GPM6A: variants seen among roughly 807,000 people sequenced by gnomAD.
GPM6A encodes neuronal membrane glycoprotein M6-a.
GPM6A carries 7 observed loss-of-function variants against 32.1 expected under a neutral mutation model. The observed-to-expected ratio is 0.22, with a 90% confidence interval of 0.12 to 0.41. GPM6A has a LOEUF of 0.41. Among genes scored for constraint, GPM6A ranks in the 10% least tolerant of loss-of-function variants. GPM6A has a pLI of 1.00. For missense variants in GPM6A, 235 were observed against 347.2 expected (o/e 0.68, Z 2.57); for synonymous variants, 130 against 123.4 (o/e 1.05, Z -0.35).
At chr4:175,701,454 A>T (rs1744875287) in intron 2 of GPM6A, 121 bp downstream of exon 2, 1 of 710,456 alleles carries the variant, frequency 1.4e-6, no homozygotes, top group Non-Finnish European at 2.5e-6. Flanking sequence ...AATCAGGTAT[A>T]CCCTAAAAGT....
chr4:175,722,095 C>T (rs1336233360), intron 1 of GPM6A, among the ~76,000 whole-genome samples: 2 of 151,864 alleles, frequency 1.3e-5, no homozygotes, highest in Non-Finnish European at 2.9e-5. Context: ...GAGACCAGCC[C>T]GGGCAACAAA....
At chr4:175,904,712 G>GA (rs1391373254) in intron 1 of GPM6A, among the ~76,000 whole-genome samples, 1 of 151,998 alleles carries the variant, frequency 6.6e-6, no homozygotes, top group African/African-American at 2.4e-5. Context: ...ACAATTTATG[G>GA]AAAAAATAAA....
At chr4:175,932,306 G>A (rs1348419935) in intron 1 of GPM6A, among the ~76,000 whole-genome samples, 2 of 152,034 alleles carry the variant, frequency 1.3e-5, no homozygotes, top group East Asian at 3.9e-4. Context: ...AAACAAGACT[G>A]CACACAATGC....
intron 1 of GPM6A, 41 bp from the exon 2 acceptor site, chr4:175,701,808 A>G: frequency 1.4e-6 from 2 of 1,458,320 alleles, no homozygotes; most frequent in Non-Finnish European, 1.9e-6. Flanking sequence ...ATTTTTGTTA[A>G]CCTAATTTAA....
At chr4:175,691,160 T>C (rs1422509356) in intron 2 of GPM6A, among the ~76,000 whole-genome samples, 1 of 152,218 alleles carries the variant, frequency 6.6e-6, no homozygotes, top group Non-Finnish European at 1.5e-5. Flanking sequence ...TACGTGAGGA[T>C]GAATTTTTGT....
intron 1 of GPM6A, among the ~76,000 whole-genome samples, chr4:175,833,131 G>T (rs1735665406): frequency 6.6e-6 from 1 of 152,202 alleles, no homozygotes; most frequent in East Asian, 1.9e-4. Context: ...GCTGAGTAGG[G>T]CATGATAAAT....
chr4:176,000,776 T>A (rs2126476570), intron 1 of GPM6A, among the ~76,000 whole-genome samples: 1 of 152,170 alleles, frequency 6.6e-6, no homozygotes, highest in Admixed American at 6.5e-5. Context: ...AGGAGAAAAA[T>A]TTAAAATATT....
intron 3 of GPM6A, 148 bp from the exon 4 acceptor site, chr4:175,652,135 G>A (rs1741845591): frequency 5.4e-6 from 3 of 550,668 alleles, no homozygotes; most frequent in East Asian, 3.1e-5. Context: ...CAGCACAGAA[G>A]GTTGAGAAAT....
intron 1 of GPM6A, among the ~76,000 whole-genome samples, chr4:175,830,832 G>A (rs1425112024): frequency 6.8e-6 from 1 of 147,084 alleles, no homozygotes; most frequent in Non-Finnish European, 1.5e-5. Flanking sequence ...ATATTGATTT[G>A]TTCGTTTATA....
chr4:175,832,347 A>G (rs188229348), intron 1 of GPM6A, among the ~76,000 whole-genome samples: 21 of 152,328 alleles, frequency 1.4e-4, no homozygotes, highest in African/African-American at 5.1e-4. Context: ...CTTTATAAAG[A>G]CAAGGAGGAT....
chr4:175,822,496 A>C (rs985002333), intron 1 of GPM6A, among the ~76,000 whole-genome samples: 1 of 152,216 alleles, frequency 6.6e-6, no homozygotes, highest in African/African-American at 2.4e-5. Context: ...AAGTGATAGA[A>C]GTATATAACA....
intron 3 of GPM6A, among the ~76,000 whole-genome samples, chr4:175,662,942 A>G (rs1406520416): frequency 2.0e-5 from 3 of 152,236 alleles, no homozygotes; most frequent in Admixed American, 2.0e-4. Context: ...AAATAACTAT[A>G]TATAAAATCA....
intron 1 of GPM6A, among the ~76,000 whole-genome samples, chr4:175,955,484 T>G (rs1739955782): frequency 6.6e-6 from 1 of 152,216 alleles, no homozygotes; most frequent in African/African-American, 2.4e-5. Flanking sequence ...TGTAAAGCAT[T>G]AAAAATAGTG....
rs143144147 is a variant in GPM6A, at chr4:175,807,921, A to G, written c.37+4270T>C. Among the ~76,000 whole-genome samples the G allele has an allele frequency of 2.2e-4, 34 of 152,320 alleles. No homozygotes were observed. In the East Asian group the frequency reaches 6.6e-3, roughly 29 times the overall value. ...GATGTGACTTTGGTCTAGTCAATTAATCTATTTGGTATTTATTTTCCTCAA... is the reference window on the plus strand; with the variant it reads ...GATGTGACTTTGGTCTAGTCAATTAGTCTATTTGGTATTTATTTTCCTCAA... On this transcript the variant is annotated intron_variant, in intron 1 of 6. Coordinates refer to ENST00000393658, the MANE Select transcript of GPM6A (RefSeq NM_201591.3).
chr4:175,648,493 C>T (rs1407570732), intron 4 of GPM6A, among the ~76,000 whole-genome samples: 6 of 152,128 alleles, frequency 3.9e-5, no homozygotes, highest in Non-Finnish European at 8.8e-5. Context: ...AAAAAATTGA[C>T]CTTGGCTTTC....
chr4:175,889,706 G>A (rs532256904), intron 1 of GPM6A, among the ~76,000 whole-genome samples: 2 of 151,934 alleles, frequency 1.3e-5, no homozygotes, highest in Non-Finnish European at 2.9e-5. Flanking sequence ...CCAGCTACTC[G>A]GGAGGCTGAG....
chr4:175,946,297 G>T (rs1163078675), intron 1 of GPM6A, among the ~76,000 whole-genome samples: 1 of 152,150 alleles, frequency 6.6e-6, no homozygotes, highest in African/African-American at 2.4e-5. Context: ...ACACTGATTA[G>T]TTAATGTTCC....
chr4:175,812,456 T>C, upstream of GPM6A: 1 of 1,268,020 alleles, frequency 7.9e-7, no homozygotes, highest in Non-Finnish European at 9.9e-7. Flanking sequence ...TTCAAATTAC[T>C]CTTCCGTGAA....
intron 3 of GPM6A, among the ~76,000 whole-genome samples, chr4:175,673,106 A>C (rs1743172800): frequency 6.6e-6 from 1 of 152,156 alleles, no homozygotes; most frequent in Non-Finnish European, 1.5e-5. Flanking sequence ...AAGTACTTTC[A>C]ACCTTATTAT....
Sources: allele counts gnomAD v4.1 joint callset (sites outside exome capture counted in the v4.1 genomes callset), GRCh38; gene constraint gnomAD v4.1.1; transcripts MANE v1.5; gene names NCBI Gene and HGNC (gene_info 2026-07-23, HGNC 2026-07-21).